Variants in GALNT10 observed in about 807,000 individuals in gnomAD.
The protein encoded by GALNT10 is GalNAc transferase 10.
Under a neutral mutation model 75.0 loss-of-function variants are expected in GALNT10, and 41 were observed. That is an observed-to-expected ratio of 0.55 (90% CI 0.43 to 0.71). GALNT10 has a LOEUF of 0.71. GALNT10 is among the 30% of genes least tolerant of loss of function. The pLI is 0.00. For missense variants in GALNT10, 727 were observed against 818.5 expected (o/e 0.89, Z 1.36); for synonymous variants, 302 against 313.0 (o/e 0.96, Z 0.37).
chr5:154,395,197 T>G (rs571638756), intron 7 of GALNT10, among the ~76,000 whole-genome samples: 5 of 152,358 alleles, frequency 3.3e-5, no homozygotes, highest in African/African-American at 1.2e-4. Context: ...GGATGATATG[T>G]ATATTTGGCC....
intron 1 of GALNT10, among the ~76,000 whole-genome samples, chr5:154,224,812 G>A (rs961554446): frequency 3.1e-5 from 4 of 130,922 alleles, no homozygotes; most frequent in Non-Finnish European, 6.2e-5. Context: ...ATGGAGTCTC[G>A]CTCTGTCTCC....
chr5:154,252,014 A>T (rs948734694), intron 1 of GALNT10, among the ~76,000 whole-genome samples: 1 of 152,090 alleles, frequency 6.6e-6, no homozygotes, highest in Non-Finnish European at 1.5e-5. Context: ...TCCTTTCTTT[A>T]TAGCAAGAGC....
At chr5:154,391,510 G>A (rs2113193450) in intron 7 of GALNT10, among the ~76,000 whole-genome samples, 1 of 152,318 alleles carries the variant, frequency 6.6e-6, no homozygotes, top group East Asian at 1.9e-4. Context: ...GTGGAAGTCA[G>A]AATCTTCCTA....
intron 1 of GALNT10, chr5:154,219,960 A>G (rs1752950552): frequency 1.3e-5 from 2 of 152,164 alleles, no homozygotes; most frequent in Admixed American, 1.3e-4. Flanking sequence ...CAAGAAAACC[A>G]TGGTAGGCAT....
chr5:154,376,577 C>T lies in GALNT10; in HGVS notation c.754+115C>T, dbSNP rs1047098074. ...CTTCCCTTGCCTGTTCGAGATGCCCCCAGCACAATGCCAGGTGCCATGAGG... is the reference window on the plus strand; with the variant it reads ...CTTCCCTTGCCTGTTCGAGATGCCCTCAGCACAATGCCAGGTGCCATGAGG... On this transcript the variant is annotated intron_variant, in intron 5 of 11. Transcript: ENST00000297107. This position sits in a 1 kb window ranked among gnomAD's most constrained non-coding sequence, Gnocchi z 4.1. 4 of 650,438 alleles carry T rather than the reference C, an allele frequency of 6.1e-6. No homozygotes were observed. In the African/African-American group the frequency reaches 7.4e-5, roughly 12 times the overall value. The allele number at this position is 650,438 out of a possible 1,614,324, so 40.3% of individuals were successfully genotyped here. A position where few individuals can be genotyped will look rare whatever the true frequency, so the allele number is the denominator to read the frequency against.
chr5:154,343,478 C>T (rs1755066336), intron 4 of GALNT10, among the ~76,000 whole-genome samples: 1 of 152,178 alleles, frequency 6.6e-6, no homozygotes, highest in African/African-American at 2.4e-5. Flanking sequence ...CTATTATTTT[C>T]AAGTTGGGCC....
rs1756532546 is a variant in GALNT10 at position 154,417,192 on chromosome 5, A to G, written c.*220A>G. On this transcript the variant is annotated 3_prime_UTR_variant, in exon 12 of 12. Transcript: ENST00000297107. Reference sequence around the variant, plus strand: ...GAGCATATCCCACAAGAGGCCCCACAGGGAGCAGAGACTGCTTTAATCCCT... The same window carrying G: ...GAGCATATCCCACAAGAGGCCCCACGGGGAGCAGAGACTGCTTTAATCCCT... 3.6e-6 allele frequency: 2 copies of G among 557,104 alleles called. No homozygotes were observed. The highest frequency in any genetic ancestry group is 3.2e-6 in the Non-Finnish European group (1 of 311,060). 34.5% of individuals were successfully genotyped at this position (557,104 alleles called of 1,614,324 possible).
chr5:154,333,082 C>T (rs958675972), intron 4 of GALNT10, among the ~76,000 whole-genome samples: 1 of 152,216 alleles, frequency 6.6e-6, no homozygotes, highest in Admixed American at 6.5e-5. Context: ...GTATGGAGAA[C>T]CTCACAGGCA....
At chr5:154,413,754 G>A (rs1756447679) in intron 10 of GALNT10, among the ~76,000 whole-genome samples, 1 of 152,218 alleles carries the variant, frequency 6.6e-6, no homozygotes, top group Admixed American at 6.5e-5. Context: ...CCTGGGTGGA[G>A]TGACATTGGG....
At chr5:154,381,922 T>C (rs1755740959) in intron 6 of GALNT10, among the ~76,000 whole-genome samples, 1 of 152,232 alleles carries the variant, frequency 6.6e-6, no homozygotes, top group Admixed American at 6.5e-5. Flanking sequence ...CTCGCCAAGA[T>C]AACCTCCCCA....
intron 4 of GALNT10, chr5:154,338,415 A>G (rs187323197): frequency 8.8e-4 from 345 of 393,834 alleles, no homozygotes; most frequent in African/African-American, 6.5e-3. Flanking sequence ...AAGTGTCCTC[A>G]GCTGCTCGGG....
chr5:154,242,581 C>T (rs1753354738), intron 1 of GALNT10, among the ~76,000 whole-genome samples: 1 of 152,170 alleles, frequency 6.6e-6, no homozygotes, highest in African/African-American at 2.4e-5. Context: ...GTCCCAGTGG[C>T]CAGGCAAAAG....
At chr5:154,198,958 C>T (rs10515706) in intron 1 of GALNT10, among the ~76,000 whole-genome samples, 58,339 of 152,118 alleles carry the variant, frequency 0.38, 13,084 homozygotes, top group East Asian at 0.87. Context: ...AAATCTGTCA[C>T]GCAATGCTGT....
At chr5:154,216,070 GTT>G (rs1417201556) in intron 1 of GALNT10, among the ~76,000 whole-genome samples, 1 of 152,102 alleles carries the variant, frequency 6.6e-6, no homozygotes, top group Non-Finnish European at 1.5e-5. Flanking sequence ...TGCCACTGAT[GTT>G]TTCACTGCTT....
At chr5:154,306,094 T>A (rs1468816700) in intron 3 of GALNT10, among the ~76,000 whole-genome samples, 1 of 152,124 alleles carries the variant, frequency 6.6e-6, no homozygotes, top group Non-Finnish European at 1.5e-5. Context: ...TTTCAACACC[T>A]CTCTCTCAAT....
At chr5:154,371,063 A>C (rs749570450) in intron 4 of GALNT10, among the ~76,000 whole-genome samples, 1 of 152,232 alleles carries the variant, frequency 6.6e-6, no homozygotes, top group Non-Finnish European at 1.5e-5. Flanking sequence ...CTCCAAGTCC[A>C]AAATCAGTGC....
In GALNT10 at chr5:154,298,184, C is replaced by A; in HGVS notation, c.401+105C>A. 2.0e-6 allele frequency: 2 copies of A among 993,174 alleles called. No homozygotes were observed. Among genetic ancestry groups the A allele is most frequent in the Non-Finnish European group, 1.5e-6 (1 of 650,048 alleles). The allele number at this position is 993,174 out of a possible 1,614,324, so 61.5% of individuals were successfully genotyped here. On this transcript the variant is annotated intron_variant, in intron 3 of 11. Transcript: ENST00000297107. The surrounding 1 kb of genome is among the most constrained non-coding windows in gnomAD (Gnocchi z 4.1). ...ACATGGAGCCCTGCTGACGGAGACACCCTCCTCTTTCACAGGCATTTGTGC... is the reference window on the plus strand; with the variant it reads ...ACATGGAGCCCTGCTGACGGAGACAACCTCCTCTTTCACAGGCATTTGTGC...
intron 3 of GALNT10, among the ~76,000 whole-genome samples, chr5:154,315,470 C>T (rs758257155): frequency 2.0e-4 from 30 of 152,228 alleles, no homozygotes; most frequent in Non-Finnish European, 4.1e-4. Flanking sequence ...TGGATTCCAC[C>T]ATTAAGAGGC....
Position 154,416,672 on chromosome 5 carries a change from AGC to A in GALNT10, c.1654-141_1654-140del. On this transcript the variant is annotated intron_variant, in intron 11 of 11. Transcript: ENST00000297107. The surrounding 1 kb of genome is among the most constrained non-coding windows in gnomAD (Gnocchi z 4.5). ...GAGGCTGGGCAGCATCCGGCTTGTG[AGC>A]TCAGGAGGAAAACCAACAGGTGTAT... is the stretch of plus-strand genomic sequence containing the variant. 1 of 650,254 alleles carries A rather than the reference AGC, an allele frequency of 1.5e-6. No individual in the cohort carries two copies. Among genetic ancestry groups the A allele is most frequent in the African/African-American group, 1.8e-5 (1 of 55,288 alleles). 40.3% of individuals were successfully genotyped at this position (650,254 alleles called of 1,614,324 possible).
Sources: allele counts gnomAD v4.1 joint callset (sites outside exome capture counted in the v4.1 genomes callset), GRCh38; gene constraint gnomAD v4.1.1; non-coding constraint Gnocchi (gnomAD v3.1); transcripts MANE v1.5; gene names NCBI Gene and HGNC (gene_info 2026-07-23, HGNC 2026-07-21).